Variants in DPP6 observed in about 807,000 individuals in gnomAD.
The protein encoded by DPP6 is A-type potassium channel modulatory protein DPP6.
A neutral mutation model predicts 122.6 loss-of-function variants in DPP6; 69 were observed. The ratio of observed to expected loss-of-function variants is 0.56; its 90% CI spans 0.46 to 0.69. The LOEUF (loss-of-function observed/expected upper bound fraction) is 0.69, where lower values mean the gene tolerates loss of function less well. Among genes scored for constraint, DPP6 ranks in the 30% least tolerant of loss-of-function variants. DPP6 has a pLI of 0.00. For synonymous variants in DPP6, 418 were observed against 433.1 expected (o/e 0.97, Z 0.43); for missense variants, 928 against 1,116.9 (o/e 0.83, Z 2.41).
intron 1 of DPP6, among the ~76,000 whole-genome samples, chr7:153,891,593 AACAGAGGTAT>A (rs1799207207): frequency 6.6e-6 from 1 of 152,172 alleles, no homozygotes; most frequent in Non-Finnish European, 1.5e-5. Context: ...CTGCTTGTTT[AACAGAGGTAT>A]ATACTCTTGC....
chr7:154,880,821 G>A (rs1176112004), intron 20 of DPP6, 67 bp from the exon 21 acceptor site: 13 of 1,613,502 alleles, frequency 8.1e-6, no homozygotes, highest in Non-Finnish European at 1.1e-5. Context: ...CATGGCTCTG[G>A]GCTACAGGAA....
At chr7:154,325,524 G>A (rs1001757460) in intron 1 of DPP6, among the ~76,000 whole-genome samples, 10 of 152,146 alleles carry the variant, frequency 6.6e-5, no homozygotes, top group Non-Finnish European at 1.2e-4. Flanking sequence ...CTCTTTACAC[G>A]TTACCCTCAG....
intron 7 of DPP6, among the ~76,000 whole-genome samples, chr7:154,717,583 T>C (rs1320415384): frequency 2.6e-5 from 4 of 152,230 alleles, no homozygotes; most frequent in Non-Finnish European, 4.4e-5. Context: ...TTCATTCTTT[T>C]CTTTGGCTAA....
chr7:154,696,857 G>A (rs575698391), intron 7 of DPP6, among the ~76,000 whole-genome samples: 19 of 152,324 alleles, frequency 1.2e-4, no homozygotes, highest in African/African-American at 1.7e-4. Context: ...GTTAGGAGCC[G>A]GCCTCGGGGG....
intron 6 of DPP6, among the ~76,000 whole-genome samples, chr7:154,665,569 C>T (rs920631591): frequency 3.3e-5 from 5 of 152,088 alleles, no homozygotes; most frequent in African/African-American, 1.2e-4. Context: ...AGCCCAGATA[C>T]AATTGCTCCT....
At chr7:154,874,016 A>G (rs576095635) in intron 19 of DPP6, among the ~76,000 whole-genome samples, 46 of 151,766 alleles carry the variant, frequency 3.0e-4, no homozygotes, top group African/African-American at 1.1e-3. Flanking sequence ...ACACACATGC[A>G]CACACATACG....
chr7:153,758,034 CA>C, the DPP6 span, among the ~76,000 whole-genome samples: 1 of 152,166 alleles, frequency 6.6e-6, no homozygotes, highest in East Asian at 1.9e-4. Context: ...GCATAGATAT[CA>C]AAAACTATCC....
chr7:153,782,197 C>T, the DPP6 span, among the ~76,000 whole-genome samples: 1 of 151,852 alleles, frequency 6.6e-6, no homozygotes, highest in Non-Finnish European at 1.5e-5. Context: ...CCTAATCACA[C>T]CAAAGGGATC....
intron 1 of DPP6, among the ~76,000 whole-genome samples, chr7:154,104,790 C>G (rs1806025632): frequency 6.6e-6 from 1 of 152,058 alleles, no homozygotes; most frequent in African/African-American, 2.4e-5. Context: ...TGGTGGCACA[C>G]CTCTATGTGT....
rs188731082 is a variant in DPP6, at chr7:154,165,859, C to T, written c.243+112796C>T. Reference sequence around the variant, plus strand: ...GCCTGAAACTGGGTATTTTATTCCTCAGAAAGAAAGAGGAGACTCGAACTT... The same window carrying T: ...GCCTGAAACTGGGTATTTTATTCCTTAGAAAGAAAGAGGAGACTCGAACTT... On this transcript the variant is annotated intron_variant, in intron 1 of 25. Coordinates refer to ENST00000377770, the MANE Select transcript of DPP6 (RefSeq NM_130797.4). 1.5e-3 allele frequency among the ~76,000 whole-genome samples: 230 copies of T among 152,236 alleles called. 3 individuals are homozygous for T. Among genetic ancestry groups the T allele is most frequent in the Admixed American group, 0.013 (206 of 15,292 alleles).
chr7:154,198,648 T>G (rs1300275536), intron 1 of DPP6, among the ~76,000 whole-genome samples: 1 of 152,188 alleles, frequency 6.6e-6, no homozygotes, highest in Non-Finnish European at 1.5e-5. Context: ...TCCAGTAGTC[T>G]AAGCATTATG....
chr7:154,137,660 G>GGGGA (rs1375236928), intron 1 of DPP6, among the ~76,000 whole-genome samples: 1 of 119,114 alleles, frequency 8.4e-6, no homozygotes, highest in Non-Finnish European at 1.8e-5. Flanking sequence ...TGGGGGGGTG[G>GGGGA]GGGGGGTGGG....
intron 8 of DPP6, among the ~76,000 whole-genome samples, chr7:154,735,222 C>T (rs1283522672): frequency 6.6e-6 from 1 of 152,184 alleles, no homozygotes; most frequent in African/African-American, 2.4e-5. Flanking sequence ...CGTTTAGATT[C>T]TCCAAGCTGA....
At chr7:153,799,430 A>T in the DPP6 span, among the ~76,000 whole-genome samples, 1 of 152,156 alleles carries the variant, frequency 6.6e-6, no homozygotes, top group East Asian at 1.9e-4. Context: ...GGGAGCATTT[A>T]TTGAGTGTTT....
At chr7:153,952,009 C>T (rs1238189810) in intron 1 of DPP6, among the ~76,000 whole-genome samples, 2 of 152,186 alleles carry the variant, frequency 1.3e-5, no homozygotes, top group East Asian at 3.9e-4. Flanking sequence ...TGCCACTGCA[C>T]TCCAGCCTCG....
chr7:154,505,763 G>A (rs1825617829), intron 3 of DPP6, among the ~76,000 whole-genome samples: 1 of 152,134 alleles, frequency 6.6e-6, no homozygotes, highest in Admixed American at 6.6e-5. Context: ...GGCCATTGGT[G>A]TTGACCTTGA....
chr7:154,438,047 A>T (rs1275770221), intron 1 of DPP6, among the ~76,000 whole-genome samples: 1 of 152,214 alleles, frequency 6.6e-6, no homozygotes, highest in East Asian at 1.9e-4. Flanking sequence ...CCGCAGACAC[A>T]GGAGCATACC....
chr7:154,337,829 G>T (rs974100728), intron 1 of DPP6, among the ~76,000 whole-genome samples: 1 of 152,228 alleles, frequency 6.6e-6, no homozygotes, highest in African/African-American at 2.4e-5. Context: ...CAGCTCTAAG[G>T]TAGTTGCAGT....
chr7:154,335,077 A>G (rs1809285607), intron 1 of DPP6, among the ~76,000 whole-genome samples: 1 of 152,186 alleles, frequency 6.6e-6, no homozygotes, highest in Non-Finnish European at 1.5e-5. Context: ...AAGCGTGGAA[A>G]ACAGGCAGGT....
Sources: gnomAD v4.1 joint callset for allele counts (sites outside exome capture counted in the v4.1 genomes callset) on GRCh38, gnomAD v4.1.1 for gene constraint, MANE v1.5 for transcripts, NCBI Gene and HGNC (gene_info 2026-07-23, HGNC 2026-07-21) for gene names.